Variants in UBE2E2 observed in about 807,000 individuals in gnomAD.
UBE2E2 encodes the protein ubiquitin-conjugating enzyme E2 E2.
In UBE2E2, 6 loss-of-function variants were observed where a neutral mutation model predicts 24.7. The ratio of observed to expected loss-of-function variants is 0.24; its 90% CI spans 0.13 to 0.48. The LOEUF is 0.48. Ranked by LOEUF, UBE2E2 falls within the 20% of genes least tolerant of loss-of-function variation. The probability of loss-of-function intolerance (pLI) is 0.99; values close to 1 mark genes in which losing one functional copy is unlikely to be tolerated. For missense variants in UBE2E2, 169 were observed against 245.0 expected, an observed-to-expected ratio of 0.69 and a Z score of 2.07; for synonymous variants, 104 against 83.6, an observed-to-expected ratio of 1.24 and a Z score of -1.33.
At chr3:23,369,489 T>G (rs1696344043) in intron 3 of UBE2E2, among the ~76,000 whole-genome samples, 1 of 152,186 alleles carries the variant, frequency 6.6e-6, no homozygotes, top group African/African-American at 2.4e-5. Context: ...TTGCAGGTTA[T>G]TATTTGACAT....
intron 4 of UBE2E2, among the ~76,000 whole-genome samples, chr3:23,505,834 G>C (rs918803376): frequency 1.3e-5 from 2 of 152,054 alleles, no homozygotes; most frequent in Non-Finnish European, 2.9e-5. Context: ...GGGTCTTCAG[G>C]TTTTCAAAAT....
At chr3:23,204,596 G>T in intron 1 of UBE2E2, 1 of 751,816 alleles carries the variant, frequency 1.3e-6, no homozygotes, top group Non-Finnish European at 1.6e-6. Context: ...CAATTTGGAT[G>T]CTCCTTGGCT....
chr3:23,448,313 T>C lies in UBE2E2; in HGVS notation c.228-51295T>C, dbSNP rs114587031. On this transcript the variant is annotated intron_variant, in intron 3 of 5. Coordinates refer to ENST00000396703, the MANE Select transcript of UBE2E2 (RefSeq NM_152653.4). ...TGTTTTTGATGTTTGATGTAAATCT[T>C]TATTCTTACATCTTTGGCAATGTTT... Among the ~76,000 whole-genome samples the C allele has an allele frequency of 1.7e-3, 261 of 152,360 alleles. 1 individual carries two copies. The highest frequency in any genetic ancestry group is 6.1e-3 in the African/African-American group (252 of 41,580).
At chr3:23,521,134 C>T (rs1198750874) in intron 4 of UBE2E2, among the ~76,000 whole-genome samples, 1 of 152,134 alleles carries the variant, frequency 6.6e-6, no homozygotes, top group African/African-American at 2.4e-5. Flanking sequence ...TGTATTACTC[C>T]TTTCCTGAAG....
At chr3:23,235,607 A>G (rs1697083215) in intron 3 of UBE2E2, among the ~76,000 whole-genome samples, 1 of 152,052 alleles carries the variant, frequency 6.6e-6, no homozygotes. Flanking sequence ...GTGAGAGAGG[A>G]TGGTGTTATA....
intron 5 of UBE2E2, among the ~76,000 whole-genome samples, chr3:23,572,501 A>G (rs118043590): frequency 2.6e-5 from 4 of 152,244 alleles, no homozygotes; most frequent in East Asian, 1.9e-4. Context: ...ATAATACCCA[A>G]TAGGAAGTTT....
At chr3:23,241,683 A>G (rs1697263779) in intron 3 of UBE2E2, among the ~76,000 whole-genome samples, 1 of 152,130 alleles carries the variant, frequency 6.6e-6, no homozygotes, top group Non-Finnish European at 1.5e-5. Flanking sequence ...AACACCTCCT[A>G]ACATTTACTT....
At chr3:23,346,810 T>A (rs1010186967) in intron 3 of UBE2E2, among the ~76,000 whole-genome samples, 6 of 152,364 alleles carry the variant, frequency 3.9e-5, no homozygotes, top group African/African-American at 1.4e-4. Flanking sequence ...TTGTGATGTT[T>A]TTGAAAACTT....
chr3:23,357,786 A>T (rs1442772718), intron 3 of UBE2E2, among the ~76,000 whole-genome samples: 1 of 152,200 alleles, frequency 6.6e-6, no homozygotes, highest in Non-Finnish European at 1.5e-5. Context: ...TACGGTGTCT[A>T]CATTTAGGAA....
At chr3:23,559,087 A>G (rs1247809419) in intron 5 of UBE2E2, among the ~76,000 whole-genome samples, 1 of 152,206 alleles carries the variant, frequency 6.6e-6, no homozygotes, top group Non-Finnish European at 1.5e-5. Flanking sequence ...TGAATATATT[A>G]GAACTCCATG....
intron 3 of UBE2E2, among the ~76,000 whole-genome samples, chr3:23,441,704 A>G (rs1336065501): frequency 6.6e-6 from 1 of 152,202 alleles, no homozygotes; most frequent in East Asian, 1.9e-4. Flanking sequence ...ATTCTGTCTC[A>G]TCTTTAAGTT....
intron 5 of UBE2E2, among the ~76,000 whole-genome samples, chr3:23,561,111 GC>G (rs1404326902): frequency 6.6e-6 from 1 of 152,118 alleles, no homozygotes; most frequent in Middle Eastern, 3.2e-3. Context: ...TGTTGCCATT[GC>G]TTTTGGTGTT....
rs192639106 is a variant in UBE2E2 at position 23,576,168 on chromosome 3, T to G, written c.509-13566T>G. Among the ~76,000 whole-genome samples, 27 of 152,302 alleles carry G rather than the reference T, an allele frequency of 1.8e-4. No homozygotes were observed. The South Asian group carries it at 2.1e-3, about 12-fold the overall frequency. ...ATAATGCACATCTGTTATGTTTTAA[T>G]TTTATAAAAGATTTAAATAAAACTA... is the stretch of plus-strand genomic sequence containing the variant. On this transcript the variant is annotated intron_variant, in intron 5 of 5. Coordinates refer to ENST00000396703, the MANE Select transcript of UBE2E2 (RefSeq NM_152653.4).
At chr3:23,475,872 C>G (rs1699123228) in intron 3 of UBE2E2, among the ~76,000 whole-genome samples, 1 of 152,062 alleles carries the variant, frequency 6.6e-6, no homozygotes, top group Admixed American at 6.5e-5. Flanking sequence ...ATCAAGATTG[C>G]TTTGATCTAA....
intron 3 of UBE2E2, among the ~76,000 whole-genome samples, chr3:23,366,747 G>A (rs1575589002): frequency 6.6e-6 from 1 of 151,850 alleles, no homozygotes; most frequent in African/African-American, 2.4e-5. Context: ...AAACCTGCAC[G>A]TGTACCTCTG....
intron 3 of UBE2E2, among the ~76,000 whole-genome samples, chr3:23,301,477 T>C (rs1699087235): frequency 6.6e-6 from 1 of 152,250 alleles, no homozygotes; most frequent in South Asian, 2.1e-4. Context: ...ATGTCCTTTC[T>C]GTTTGTTAGT....
At chr3:23,469,897 C>G (rs561958472) in intron 3 of UBE2E2, among the ~76,000 whole-genome samples, 41 of 152,244 alleles carry the variant, frequency 2.7e-4, no homozygotes, top group Non-Finnish European at 4.6e-4. Flanking sequence ...GCATAGAAAT[C>G]TTGAATATGG....
chr3:23,589,928 C>G lies in UBE2E2; in HGVS notation c.*97C>G. 8.6e-7 allele frequency: 1 copy of G among 1,166,740 alleles called. No homozygotes were observed. The highest frequency in any genetic ancestry group is 2.5e-5 in the East Asian group (1 of 39,578). 72.3% of individuals were successfully genotyped at this position (1,166,740 alleles called of 1,614,324 possible). A position where few individuals can be genotyped will look rare whatever the true frequency, so the allele number is the denominator to read the frequency against. ...CCCTCCAGACCTCGGTTCTTATTTT[C>G]CTATTTTTATTAAATTTGGAACCAT... On this transcript the variant is annotated 3_prime_UTR_variant, in exon 6 of 6. Coordinates refer to ENST00000396703, the MANE Select transcript of UBE2E2 (RefSeq NM_152653.4). This position sits in a 1 kb window ranked among gnomAD's most constrained non-coding sequence, Gnocchi z 4.1.
At chr3:23,453,067 A>G (rs1004892260) in intron 3 of UBE2E2, among the ~76,000 whole-genome samples, 3 of 152,188 alleles carry the variant, frequency 2.0e-5, no homozygotes, top group African/African-American at 7.2e-5. Context: ...AATGATAGGT[A>G]AAATATTTTG....
Sources: gnomAD v4.1 joint callset for allele counts (sites outside exome capture counted in the v4.1 genomes callset) on GRCh38, gnomAD v4.1.1 for gene constraint, Gnocchi (gnomAD v3.1) non-coding constraint, MANE v1.5 for transcripts, NCBI Gene and HGNC (gene_info 2026-07-23, HGNC 2026-07-21) for gene names.